The following PABPC4 variants were observed in gnomAD, a reference collection of about 807,000 sequenced individuals.
PABPC4 encodes the protein poly(A) binding protein cytoplasmic 4, also known as polyadenylate-binding protein 4.
In PABPC4, 15 loss-of-function variants were observed where a neutral mutation model predicts 74.5. The observed-to-expected ratio is 0.20, with a 90% CI of 0.13 to 0.31. The LOEUF is 0.31. Ranked by LOEUF, PABPC4 falls within the 10% of genes least tolerant of loss-of-function variation. PABPC4 has a pLI of 1.00. For missense variants in PABPC4, 610 were observed against 853.5 expected, an observed-to-expected ratio of 0.71 and a Z score of 3.55; for synonymous variants, 345 against 303.0, an observed-to-expected ratio of 1.14 and a Z score of -1.44.
At chr1:39,568,651 G>C in intron 6 of PABPC4, 151 bp downstream of exon 6, 4 of 676,142 alleles carry the variant, frequency 5.9e-6, no homozygotes, top group African/African-American at 1.8e-5. Context: ...ATATGTAGTA[G>C]GTATATATCC....
rs1478697897 is a variant in PABPC4 at position 39,576,107 on chromosome 1, G to T, written c.-156C>A. ...GCTGGAGTCGGCGGGCTTGGAGACG[G>T]GACGGAAACGGGAGGCGGGGGCCGG... On this transcript the variant is annotated 5_prime_UTR_variant, in exon 1 of 16. Transcript: ENST00000372858. 4 of 532,942 alleles carry T rather than the reference G, an allele frequency of 7.5e-6. No homozygotes were observed. Among genetic ancestry groups the T allele is most frequent in the Non-Finnish European group, 1.3e-5 (4 of 307,500 alleles). The allele number at this position is 532,942 out of a possible 1,614,324, so 33.0% of individuals were successfully genotyped here. A position where few individuals can be genotyped will look rare whatever the true frequency, so the allele number is the denominator to read the frequency against.
intron 1 of PABPC4, among the ~76,000 whole-genome samples, chr1:39,574,365 G>C (rs1287528011): frequency 6.6e-6 from 1 of 152,226 alleles, no homozygotes. Context: ...AGACAGCACT[G>C]CACAAGGCAA....
At position 39,575,776 on chromosome 1, in the gene PABPC4, A is replaced by C. The variant is rs772062068; in HGVS notation, c.176T>G (p.Phe59Cys). The C allele has an allele frequency of 1.9e-6, 3 of 1,597,210 alleles. No homozygotes were observed. The highest frequency in any genetic ancestry group is 3.4e-5 in the Admixed American group (2 of 58,998). The change falls in exon 1 of 16, where the codon TTC becomes TGC. Residue 59 changes from phenylalanine to cysteine, a missense_variant. Around this residue, in one of 4 missense-constraint regions of PABPC4, gnomAD observed 304 missense variants for 478.9 expected, o/e 0.63. Coordinates refer to ENST00000372858, the MANE Select transcript of PABPC4 (RefSeq NM_001135653.2). ...CTACTCACCGTCGGCCGGCTGCTGG[A>C]AGTTGACGTAGGCATAGCCCAGGGA... is the stretch of plus-strand genomic sequence containing the variant. ...RRSLGYAYVN[F>C]QQPADAERAL... is the part of the protein sequence containing the mutation.
chr1:39,569,670 C>T lies in PABPC4; in HGVS notation c.663G>A (p.Lys221=). Residue 221 remains lysine, a synonymous_variant, in exon 5 of 16, where the codon AAG becomes AAA. Transcript: ENST00000372858. ...ATTTCCCATTGGGATCTCTCATCAC[C>T]TTGACACTTAGGGTCTTACCTATTA... ...FSQFGKTLSV[K]VMRDPNGKSK... is the part of the protein sequence containing the mutation. 1.2e-6 allele frequency: 2 copies of T among 1,614,022 alleles called. No homozygotes were observed. The highest frequency in any genetic ancestry group is 1.7e-6 in the Non-Finnish European group (2 of 1,179,866).
intron 12 of PABPC4, 158 bp from the exon 13 acceptor site, chr1:39,562,574 G>C: frequency 1.7e-6 from 1 of 597,704 alleles, no homozygotes; most frequent in Non-Finnish European, 3.0e-6. Flanking sequence ...TTGAAGGATT[G>C]AGGGGTGTGT....
intron 1 of PABPC4, 111 bp downstream of exon 1, chr1:39,575,648 G>GTGGT (rs1646014008): frequency 1.2e-6 from 1 of 832,732 alleles, no homozygotes; most frequent in East Asian, 3.1e-5. Flanking sequence ...CCCAGCTTCG[G>GTGGT]TGGCAACATG....
At chr1:39,568,657 T>C in intron 6 of PABPC4, 145 bp downstream of exon 6, 2 of 730,468 alleles carry the variant, frequency 2.7e-6, no homozygotes, top group Non-Finnish European at 4.7e-6. Context: ...AGTAGGTATA[T>C]ATCCTTTTAA....
intron 3 of PABPC4, chr1:39,570,360 C>A (rs1348469324): frequency 1.4e-5 from 3 of 210,782 alleles, no homozygotes; most frequent in African/African-American, 6.9e-5. Context: ...AGTGGTTAAT[C>A]CTAGATATGA....
chr1:39,564,305 G>C (rs1292105019), intron 10 of PABPC4, 118 bp downstream of exon 10: 1 of 1,237,998 alleles, frequency 8.1e-7, no homozygotes, highest in Non-Finnish European at 1.1e-6. Flanking sequence ...ACACAGCTAA[G>C]ATTACAGAAC....
rs1186248002 is a variant in PABPC4 at position 39,569,846 on chromosome 1, A to C, written c.643+17T>G. The C allele has an allele frequency of 6.2e-7, 1 of 1,613,358 alleles. No homozygotes were observed. Among genetic ancestry groups the C allele is most frequent in the South Asian group, 1.1e-5 (1 of 91,048 alleles). On this transcript the variant is annotated intron_variant, in intron 4 of 15. Coordinates refer to ENST00000372858, the MANE Select transcript of PABPC4 (RefSeq NM_001135653.2). ...GGTCTGGTAGACTGTGAAAGGAGACAAGGAACCCCAACTTACCAAACTGAC... is the reference window on the plus strand; with the variant it reads ...GGTCTGGTAGACTGTGAAAGGAGACCAGGAACCCCAACTTACCAAACTGAC...
intron 14 of PABPC4, 47 bp from the exon 15 acceptor site, chr1:39,561,834 A>AC: frequency 6.6e-7 from 1 of 1,525,628 alleles, no homozygotes; most frequent in Non-Finnish European, 9.1e-7. Context: ...GAGCTACTCC[A>AC]CCCCTCCCCA....
intron 4 of PABPC4, 69 bp downstream of exon 4, chr1:39,569,794 C>T (rs1645910743): frequency 3.1e-6 from 5 of 1,589,988 alleles, no homozygotes; most frequent in African/African-American, 1.3e-5. Context: ...TGGAGCAGTG[C>T]CCTCATCTCT....
At position 39,576,667 on chromosome 1, in the gene PABPC4, CT is replaced by C. The variant is rs1217221156; in HGVS notation, c.-717del. On this transcript the variant is annotated 5_prime_UTR_variant, in exon 1 of 16. Coordinates refer to ENST00000372858, the MANE Select transcript of PABPC4 (RefSeq NM_001135653.2). ...CGGGTTCTCCGAGGATTCGTTTTTT[CT>C]TTTCCTTTTTTTTTTTCAGGATTTT... The C allele has an allele frequency of 1.3e-5, 2 of 148,596 alleles. No individual in the cohort carries two copies. Among genetic ancestry groups the C allele is most frequent in the African/African-American group, 4.9e-5 (2 of 40,922 alleles). The allele number at this position is 148,596 out of a possible 1,614,324, so 9.2% of individuals were successfully genotyped here.
chr1:39,564,889 T>G, intron 8 of PABPC4, 116 bp from the exon 9 acceptor site: 1 of 943,156 alleles, frequency 1.1e-6, no homozygotes, highest in Non-Finnish European at 1.6e-6. Flanking sequence ...GTTCTTTCTA[T>G]TCAAGAGCTG....
At chr1:39,565,009 T>C (rs926229057) in intron 8 of PABPC4, 97 bp downstream of exon 8, 20 of 1,334,876 alleles carry the variant, frequency 1.5e-5, no homozygotes, top group Non-Finnish European at 2.1e-5. Context: ...ATTGTGACAT[T>C]CTAGAACTCT....
intron 1 of PABPC4, among the ~76,000 whole-genome samples, chr1:39,573,589 C>A (rs1185274526): frequency 6.6e-6 from 1 of 152,132 alleles, no homozygotes; most frequent in Admixed American, 6.5e-5. Context: ...GAGGCCAAGG[C>A]GGGTGGATTA....
intron 12 of PABPC4, chr1:39,563,281 C>G: frequency 3.9e-6 from 1 of 259,298 alleles, no homozygotes; most frequent in South Asian, 6.6e-5. Context: ...AATCATCTTG[C>G]AGAGCAGCCA....
rs1189501186 is a variant in PABPC4 at position 39,576,762 on chromosome 1, G to T, written c.-811C>A. On this transcript the variant is annotated 5_prime_UTR_variant, in exon 1 of 16. Transcript: ENST00000372858. The stretch of plus-strand genomic sequence containing the variant: ...CAGGCTGCGAAGCCCGAAAGCGGCG[G>T]AGGCGGCAGCGACCCGGGGCGGAGA... 6.7e-6 allele frequency: 1 copy of T among 150,168 alleles called. No individual in the cohort carries two copies. Among genetic ancestry groups the T allele is most frequent in the African/African-American group, 2.4e-5 (1 of 41,332 alleles). 9.3% of individuals were successfully genotyped at this position (150,168 alleles called of 1,614,324 possible).
intron 1 of PABPC4, among the ~76,000 whole-genome samples, chr1:39,574,810 G>C (rs1645993057): frequency 6.6e-6 from 1 of 152,192 alleles, no homozygotes; most frequent in Admixed American, 6.5e-5. Flanking sequence ...CTTTTAATCT[G>C]GAGTCACGTG....
Sources: allele counts gnomAD v4.1 joint callset (sites outside exome capture counted in the v4.1 genomes callset), GRCh38; gene constraint gnomAD v4.1.1; regional missense constraint gnomAD v4.1.1; transcripts MANE v1.5; gene names NCBI Gene and HGNC (gene_info 2026-07-23, HGNC 2026-07-21).